FAM114A2: variants seen among roughly 807,000 people sequenced by gnomAD.
FAM114A2 encodes protein FAM114A2.
In FAM114A2, 53 loss-of-function variants were observed where a neutral mutation model predicts 58.4. That is an observed-to-expected ratio of 0.91 (90% confidence interval 0.73 to 1.14). FAM114A2 has a LOEUF of 1.14. FAM114A2 is among the 50% of genes most tolerant of loss of function. The pLI is 0.00. For missense variants in FAM114A2, 601 were observed against 581.1 expected (o/e 1.03, Z -0.35); for synonymous variants, 228 against 211.4 (o/e 1.08, Z -0.68).
intron 8 of FAM114A2, among the ~76,000 whole-genome samples, chr5:154,024,526 A>T (rs1430769973): frequency 6.6e-6 from 1 of 152,172 alleles, no homozygotes; most frequent in Non-Finnish European, 1.5e-5. Context: ...TCAGTCTGTT[A>T]TGTTGCTTTA....
At chr5:153,996,774 A>G (rs1195258845) in intron 12 of FAM114A2, among the ~76,000 whole-genome samples, 1 of 151,986 alleles carries the variant, frequency 6.6e-6, no homozygotes, top group Admixed American at 6.6e-5. Context: ...ACGCAGGTGG[A>G]TCACCTAAGG....
intron 9 of FAM114A2, among the ~76,000 whole-genome samples, chr5:154,004,633 G>A (rs959670396): frequency 6.6e-6 from 1 of 152,070 alleles, no homozygotes; most frequent in Non-Finnish European, 1.5e-5. Flanking sequence ...CCAGTTACCT[G>A]AGCCAAAATA....
At chr5:154,010,671 C>T (rs569202207) in intron 9 of FAM114A2, among the ~76,000 whole-genome samples, 12 of 152,326 alleles carry the variant, frequency 7.9e-5, no homozygotes, top group African/African-American at 2.6e-4. Flanking sequence ...ATACTTGCCA[C>T]AGAACCTCCC....
chr5:154,027,056 G>T, intron 7 of FAM114A2, 120 bp downstream of exon 7: 1 of 728,102 alleles, frequency 1.4e-6, no homozygotes, highest in Non-Finnish European at 2.2e-6. Context: ...TATTTCGAAG[G>T]CATCTCAAGC....
rs532292043 is a variant in FAM114A2, at chr5:154,002,639, T to C, written c.1116+208A>G. On this transcript the variant is annotated intron_variant, in intron 10 of 13. Coordinates refer to ENST00000351797, the MANE Select transcript of FAM114A2 (RefSeq NM_018691.4). ...TGTCAGGCAGCAGTTTCTGGGAACC[T>C]TCCTCATGACAAAACACACGCGCAT... 3.9e-5 allele frequency among the ~76,000 whole-genome samples: 6 copies of C among 152,332 alleles called. No individual in the cohort carries two copies. In the South Asian group the frequency reaches 1.2e-3, roughly 32 times the overall value.
intron 8 of FAM114A2, among the ~76,000 whole-genome samples, chr5:154,016,170 G>A (rs1001433898): frequency 3.3e-5 from 5 of 152,138 alleles, no homozygotes; most frequent in Non-Finnish European, 7.4e-5. Context: ...GAAGAGAAAT[G>A]TAAAAGTTTG....
intron 8 of FAM114A2, among the ~76,000 whole-genome samples, chr5:154,024,632 TACC>T (rs1771660438): frequency 1.3e-5 from 2 of 152,300 alleles, no homozygotes; most frequent in Admixed American, 1.3e-4. Context: ...TATTCTTTAA[TACC>T]ACATTAAAAC....
rs370673869 is a variant in FAM114A2 at position 154,027,864 on chromosome 5, T to A, written c.630+285A>T. Among the ~76,000 whole-genome samples, 3 of 152,048 alleles carry A rather than the reference T, an allele frequency of 2.0e-5. No homozygotes were observed. The East Asian group carries it at 5.8e-4, about 29-fold the overall frequency. On this transcript the variant is annotated intron_variant, in intron 6 of 13. Coordinates refer to ENST00000351797, the MANE Select transcript of FAM114A2 (RefSeq NM_018691.4). ...GAACCAGGTGTTTCTCTGAAAGTGATTTAAACATTAAAACAAACAAACAAA... is the reference window on the plus strand; with the variant it reads ...GAACCAGGTGTTTCTCTGAAAGTGAATTAAACATTAAAACAAACAAACAAA...
chr5:154,032,116 G>A (rs1486055361), intron 4 of FAM114A2, among the ~76,000 whole-genome samples: 1 of 152,162 alleles, frequency 6.6e-6, no homozygotes, highest in African/African-American at 2.4e-5. Context: ...TTCAAAAGAA[G>A]GCAACCACTT....
At chr5:154,035,119 T>A (rs147147074) in intron 1 of FAM114A2, among the ~76,000 whole-genome samples, 152 bp from the exon 2 acceptor site, 257 of 152,332 alleles carry the variant, frequency 1.7e-3, no homozygotes, top group African/African-American at 5.7e-3. Context: ...TTTCCCCCAA[T>A]GGTAAAACTT....
At chr5:153,998,104 A>C (rs113439415) in intron 11 of FAM114A2, among the ~76,000 whole-genome samples, 37 of 152,302 alleles carry the variant, frequency 2.4e-4, no homozygotes, top group African/African-American at 7.5e-4. Context: ...AAATTCCAGA[A>C]ATAAATAATT....
chr5:154,037,630 ATATACAG>A (rs1425331529), intron 1 of FAM114A2, among the ~76,000 whole-genome samples: 1 of 152,232 alleles, frequency 6.6e-6, no homozygotes, highest in African/African-American at 2.4e-5. Context: ...CATCATAAAT[ATATACAG>A]TATACTATAT....
At chr5:153,996,383 T>C (rs1769554974) in intron 12 of FAM114A2, among the ~76,000 whole-genome samples, 1 of 151,930 alleles carries the variant, frequency 6.6e-6, no homozygotes, top group Non-Finnish European at 1.5e-5. Context: ...CCTTACACCA[T>C]ACACAAAAAT....
chr5:154,004,610 G>A (rs1423364212), intron 9 of FAM114A2, among the ~76,000 whole-genome samples: 1 of 152,068 alleles, frequency 6.6e-6, no homozygotes, highest in Non-Finnish European at 1.5e-5. Context: ...AGTTTTAGAG[G>A]TGCCACCAGG....
In FAM114A2 at chr5:153,992,266, T is replaced by C. The variant is rs985973232; in HGVS notation, c.*710A>G. ...TTCTCTAAATTGCATTTACTGGCCT[T>C]GAATCCAGTAGAGTAGGGTTCAGCT... On this transcript the variant is annotated 3_prime_UTR_variant, in exon 14 of 14. Transcript: ENST00000351797. 3 of 152,202 alleles carry C rather than the reference T, an allele frequency of 2.0e-5. No homozygotes were observed. Among genetic ancestry groups the C allele is most frequent in the African/African-American group, 7.2e-5 (3 of 41,442 alleles). The allele number at this position is 152,202 out of a possible 1,614,324, so 9.4% of individuals were successfully genotyped here.
chr5:153,997,782 G>GT (rs1308387206), intron 12 of FAM114A2, 21 bp downstream of exon 12: 3 of 1,410,742 alleles, frequency 2.1e-6, no homozygotes, highest in South Asian at 1.2e-5. Context: ...CATTATTGCA[G>GT]TAAGAGGCAT....
rs202197693 is a variant in FAM114A2, at chr5:153,992,986, A to G, written c.1508T>C (p.Leu503Ser). Residue 503 changes from leucine to serine, a missense_variant, in exon 14 of 14, where the codon TTA (leucine) becomes TCA (serine). Transcript: ENST00000351797. ...RHELQGQKPLLEH is the reference protein window; with the variant it reads ...RHELQGQKPLSEH ...AAACGTCTCCATTCTTCAATGTTCT[A>G]ACAAAGGTTTCTGGCCCTGCAGCTC... 159 of 1,611,254 alleles carry G rather than the reference A, an allele frequency of 9.9e-5. No homozygotes were observed. The highest frequency in any genetic ancestry group is 1.9e-5 in the Non-Finnish European group (22 of 1,178,434).
chr5:154,003,802 A>T (rs1770169260), intron 9 of FAM114A2, among the ~76,000 whole-genome samples: 1 of 152,256 alleles, frequency 6.6e-6, no homozygotes, highest in Non-Finnish European at 1.5e-5. Flanking sequence ...TGTTAGATTT[A>T]TCCATGTTGC....
In FAM114A2 at chr5:154,017,403, T is replaced by C. The variant is rs1018333358; in HGVS notation, c.914-6083A>G. Among the ~76,000 whole-genome samples the C allele has an allele frequency of 2.6e-5, 4 of 152,098 alleles. No individual in the cohort carries two copies. In the East Asian group the frequency reaches 5.8e-4, roughly 22 times the overall value. ...GTTGCGGTGAGCCGAGATCGTGCCA[T>C]TGCACTCCAGCCTGGGCAACAAGAG... On this transcript the variant is annotated intron_variant, in intron 8 of 13. Transcript: ENST00000351797.
Sources: gnomAD v4.1 joint callset for allele counts (sites outside exome capture counted in the v4.1 genomes callset) on GRCh38, gnomAD v4.1.1 for gene constraint, MANE v1.5 for transcripts, NCBI Gene and HGNC (gene_info 2026-07-23, HGNC 2026-07-21) for gene names.